Variants in TROAP observed in about 807,000 individuals in gnomAD.
TROAP encodes the protein trophinin associated protein, also known as tastin.
In TROAP, 62 loss-of-function variants were observed where a neutral mutation model predicts 83.4. The observed-to-expected ratio is 0.74, with a 90% CI of 0.61 to 0.92. The LOEUF is 0.92. TROAP is among the 40% of genes least tolerant of loss of function. The pLI is 0.00. For synonymous variants in TROAP, 352 were observed against 386.4 expected, an observed-to-expected ratio of 0.91 and a Z score of 1.04; for missense variants, 876 against 985.1, an observed-to-expected ratio of 0.89 and a Z score of 1.48.
At chr12:49,326,832 C>T (rs937457051) in intron 7 of TROAP, 112 bp downstream of exon 7, 55 of 1,217,744 alleles carry the variant, frequency 4.5e-5, no homozygotes, top group Middle Eastern at 2.7e-4. Context: ...AGTGGGAGGC[C>T]GGGAGGCTAG....
At chr12:49,328,311 G>T (rs187459476) in intron 8 of TROAP, among the ~76,000 whole-genome samples, 44 of 136,850 alleles carry the variant, frequency 3.2e-4, no homozygotes, top group Non-Finnish European at 6.0e-4. Context: ...TGCAACCTCT[G>T]CCTCCTGGGT....
chr12:49,323,516 G>A, intron 1 of TROAP, 88 bp from the exon 2 acceptor site: 10 of 1,529,806 alleles, frequency 6.5e-6, no homozygotes, highest in Non-Finnish European at 7.1e-6. Context: ...TAGGGCGGAG[G>A]TATCAGGGAT....
chr12:49,324,230 G>C, intron 3 of TROAP, 193 bp downstream of exon 3: 1 of 1,610,844 alleles, frequency 6.2e-7, no homozygotes, highest in Non-Finnish European at 8.5e-7. Flanking sequence ...CATCTCGCCA[G>C]GTGCCATGGC....
In TROAP at chr12:49,329,656, T is replaced by A; in HGVS notation, c.1165-201T>A. 1 of 997,000 alleles carries A rather than the reference T, an allele frequency of 1.0e-6. No individual in the cohort carries two copies. Among genetic ancestry groups the A allele is most frequent in the Non-Finnish European group, 1.5e-6 (1 of 672,584 alleles). The allele number at this position is 997,000 out of a possible 1,614,324, so 61.8% of individuals were successfully genotyped here. ...GCCTGGGCAACATAGTGAGACCCTG[T>A]CTCCACTAAAATTTTAAAAATTAGA... On this transcript the variant is annotated intron_variant, in intron 11 of 14. Transcript: ENST00000257909. The surrounding 1 kb of genome is among the most constrained non-coding windows in gnomAD (Gnocchi z 4.5).
In TROAP at chr12:49,329,584, G is replaced by GGGAGGCTGAGGTA; in HGVS notation, c.1164+136_1164+148dup. ...CTCACACCTGTAATCCCAGCACTTT[G>GGGAGGCTGAGGTA]GGAGGCTGAGGTAGGAGGATTGCTT... On this transcript the variant is annotated intron_variant, in intron 11 of 14. Coordinates refer to ENST00000257909, the MANE Select transcript of TROAP (RefSeq NM_005480.4). The surrounding 1 kb of genome is among the most constrained non-coding windows in gnomAD (Gnocchi z 4.5). 8.7e-7 allele frequency: 1 copy of GGGAGGCTGAGGTA among 1,148,314 alleles called. No individual in the cohort carries two copies. The highest frequency in any genetic ancestry group is 1.2e-6 in the Non-Finnish European group (1 of 808,686). The allele number at this position is 1,148,314 out of a possible 1,614,324, so 71.1% of individuals were successfully genotyped here. A position where few individuals can be genotyped will look rare whatever the true frequency, so the allele number is the denominator to read the frequency against.
chr12:49,324,345 A>C, intron 3 of TROAP: 1 of 584,630 alleles, frequency 1.7e-6, no homozygotes, highest in East Asian at 3.0e-5. Context: ...CATCTCTTTA[A>C]AAAATAAATA....
chr12:49,325,994 G>A, intron 5 of TROAP, 82 bp from the exon 6 acceptor site: 1 of 1,605,734 alleles, frequency 6.2e-7, no homozygotes, highest in Non-Finnish European at 8.5e-7. Context: ...GATCCTACTG[G>A]GGGAGATGGG....
chr12:49,326,157 C>G lies in TROAP; in HGVS notation c.715C>G (p.Arg239Gly). ...AAGAAGGGAGACAGCTGGCAGCAGC[C>G]GGTGAGAAAGGAGAGGGTGTGGGAG... is the stretch of plus-strand genomic sequence containing the variant. ...ELRRETAGSS[R>G]TSVSQASGLL... The change falls in exon 6 of 15, where the codon CGG (arginine) becomes GGG (glycine). Residue 239 changes from arginine to glycine, a missense_variant and splice_region_variant. Transcript: ENST00000257909. The G allele has an allele frequency of 6.2e-7, 1 of 1,613,852 alleles. No individual in the cohort carries two copies. Among genetic ancestry groups the G allele is most frequent in the Non-Finnish European group, 8.5e-7 (1 of 1,179,922 alleles).
intron 3 of TROAP, 132 bp from the exon 4 acceptor site, chr12:49,325,366 TAAA>T (rs541818565): frequency 5.0e-4 from 383 of 769,112 alleles, no homozygotes; most frequent in Middle Eastern, 1.1e-3. Flanking sequence ...ATCTATTTCT[TAAA>T]AAAAAAAAAA....
At position 49,331,254 on chromosome 12, in the gene TROAP, G is replaced by A. The variant is rs762015540; in HGVS notation, c.2139G>A (p.Glu713=). The A allele has an allele frequency of 1.5e-5, 24 of 1,614,040 alleles. No homozygotes were observed. The Admixed American group carries it at 3.8e-4, about 26-fold the overall frequency. ...NLAPRTLALR[E]RLKSCLTAIH... ...CCCCTCGAACCCTAGCCCTGAGGGA[G>A]CGCCTCAAATCGTGTTTAACCGCCA... Residue 713 remains glutamate, a synonymous_variant, in exon 14 of 15, where the codon GAG becomes GAA. Transcript: ENST00000257909.
chr12:49,331,658 G>T lies in TROAP; in HGVS notation c.*41G>T. ...TGCCCTGCCGTACTTCTTCCTTTTAGCCCTTATTTATTGTCGGTCTGCCCA... is the reference window on the plus strand; with the variant it reads ...TGCCCTGCCGTACTTCTTCCTTTTATCCCTTATTTATTGTCGGTCTGCCCA... On this transcript the variant is annotated 3_prime_UTR_variant, in exon 15 of 15. Transcript: ENST00000257909. 6.2e-7 allele frequency: 1 copy of T among 1,613,370 alleles called. No homozygotes were observed. Among genetic ancestry groups the T allele is most frequent in the Admixed American group, 1.7e-5 (1 of 60,006 alleles).
At position 49,329,555 on chromosome 12, in the gene TROAP, G is replaced by A; in HGVS notation, c.1164+101G>A. The A allele has an allele frequency of 1.5e-6, 2 of 1,369,858 alleles. No individual in the cohort carries two copies. 84.9% of individuals were successfully genotyped at this position (1,369,858 alleles called of 1,614,324 possible). On this transcript the variant is annotated intron_variant, in intron 11 of 14. Transcript: ENST00000257909. This position sits in a 1 kb window ranked among gnomAD's most constrained non-coding sequence, Gnocchi z 4.5. Reference sequence around the variant, plus strand: ...ACACGTGCTTTCTGGGCCAGGCATGGTGGCTCACACCTGTAATCCCAGCAC... The same window carrying A: ...ACACGTGCTTTCTGGGCCAGGCATGATGGCTCACACCTGTAATCCCAGCAC...
Position 49,330,128 on chromosome 12 carries a change from G to T in TROAP, c.1300-17G>T, listed in dbSNP as rs756306316. ...GCACATCTTGATGTCACACTGGGGT[G>T]CTCTCTCCCACCACAGCGCATCGGT... is the stretch of plus-strand genomic sequence containing the variant. On this transcript the variant is annotated splice_polypyrimidine_tract_variant and intron_variant, in intron 12 of 14. Transcript: ENST00000257909. 1 of 1,611,370 alleles carries T rather than the reference G, an allele frequency of 6.2e-7. No homozygotes were observed. Among genetic ancestry groups the T allele is most frequent in the African/African-American group, 1.3e-5 (1 of 74,814 alleles).
Position 49,330,931 on chromosome 12 carries a change from G to A in TROAP, c.2086G>A (p.Ala696Thr). ...CTCACTCCAGTCTTTGAGACCCCCA[G>A]CAGGCCAGGCAGGTAAGGAGTTGGC... The part of the protein sequence containing the change: ...ICSLQSLRPP[A>T]GQAGLSNLAP... Residue 696 changes from alanine to threonine, a missense_variant, in exon 13 of 15, where the codon GCA (alanine) becomes ACA (threonine). This residue lies in a region of TROAP where 184 missense variants were observed against 238.3 expected (regional missense o/e 0.77). Transcript: ENST00000257909. The A allele has an allele frequency of 6.2e-7, 1 of 1,611,104 alleles. No individual in the cohort carries two copies. The highest frequency in any genetic ancestry group is 8.5e-7 in the Non-Finnish European group (1 of 1,179,996).
chr12:49,325,935 G>T, intron 5 of TROAP, 51 bp downstream of exon 5: 1 of 1,605,280 alleles, frequency 6.2e-7, no homozygotes, highest in Non-Finnish European at 8.5e-7. Context: ...GCTCCTTCCA[G>T]GGACAAAGCT....
rs1396233672 is a variant in TROAP, at chr12:49,325,492, T to C, written c.338-9T>C. 1.9e-6 allele frequency: 3 copies of C among 1,611,496 alleles called. No individual in the cohort carries two copies. Among genetic ancestry groups the C allele is most frequent in the Non-Finnish European group, 2.5e-6 (3 of 1,178,780 alleles). On this transcript the variant is annotated splice_polypyrimidine_tract_variant and intron_variant, in intron 3 of 14. Transcript: ENST00000257909. The stretch of plus-strand genomic sequence containing the variant: ...CCCCCTTCCTTTTCCTTCTCCTCTT[T>C]CCTTGCAGAGGCTCCAGGGACCATA...
rs1211219946 is a variant in TROAP at position 49,324,078 on chromosome 12, G to A, written c.337+41G>A. ...ATGGTAACACGGCCTCCATGGCTGA[G>A]TAGGGGACTAGGAAGGGTAAAAGTG... On this transcript the variant is annotated intron_variant, in intron 3 of 14. Coordinates refer to ENST00000257909, the MANE Select transcript of TROAP (RefSeq NM_005480.4). 1.9e-6 allele frequency: 3 copies of A among 1,612,542 alleles called. No individual in the cohort carries two copies. The East Asian group carries it at 6.7e-5, about 36-fold the overall frequency.
intron 2 of TROAP, 40 bp downstream of exon 2, chr12:49,323,792 G>C (rs1943443445): frequency 6.2e-7 from 1 of 1,613,892 alleles, no homozygotes; most frequent in African/African-American, 1.3e-5. Context: ...AGTCACACCA[G>C]TAATGCACCC....
Position 49,323,367 on chromosome 12 carries a change from T to C in TROAP, c.-6+18T>C. ...TCGGTAAGGTAAGGCACGGGGGTCTTGAAGGGAACGAAGGCTGCTGGGTTC... is the reference window on the plus strand; with the variant it reads ...TCGGTAAGGTAAGGCACGGGGGTCTCGAAGGGAACGAAGGCTGCTGGGTTC... On this transcript the variant is annotated intron_variant, in intron 1 of 14. Transcript: ENST00000257909. The C allele has an allele frequency of 1.9e-6, 1 of 528,262 alleles. No individual in the cohort carries two copies. Among genetic ancestry groups the C allele is most frequent in the Non-Finnish European group, 3.3e-6 (1 of 298,778 alleles). The allele number at this position is 528,262 out of a possible 1,614,324, so 32.7% of individuals were successfully genotyped here. A position where few individuals can be genotyped will look rare whatever the true frequency, so the allele number is the denominator to read the frequency against.
Sources: gnomAD v4.1 joint callset for allele counts (sites outside exome capture counted in the v4.1 genomes callset) on GRCh38, gnomAD v4.1.1 for gene constraint, gnomAD v4.1.1 regional missense constraint, Gnocchi (gnomAD v3.1) non-coding constraint, MANE v1.5 for transcripts, NCBI Gene and HGNC (gene_info 2026-07-23, HGNC 2026-07-21) for gene names.